Variants in GATA4 observed in about 807,000 individuals in gnomAD.
GATA4 encodes the protein transcription factor GATA-4.
GATA4 carries 7 observed loss-of-function variants against 37.9 expected under a neutral mutation model. That is an observed-to-expected ratio of 0.18 (90% CI 0.11 to 0.35). GATA4 has a LOEUF of 0.35. Among genes scored for constraint, GATA4 ranks in the 10% least tolerant of loss-of-function variants. The pLI is 1.00. For synonymous variants in GATA4, 372 were observed against 292.6 expected, an observed-to-expected ratio of 1.27 and a Z score of -2.77; for missense variants, 647 against 653.0, an observed-to-expected ratio of 0.99 and a Z score of 0.10.
At chr8:11,697,049 C>G (rs533464571) in intron 1 of GATA4, among the ~76,000 whole-genome samples, 2 of 152,226 alleles carry the variant, frequency 1.3e-5, no homozygotes, top group African/African-American at 4.8e-5. Flanking sequence ...TAGCTCTGCA[C>G]CTTCCTGAGT....
chr8:11,703,861 C>T (rs2130037532), upstream of GATA4, among the ~76,000 whole-genome samples: 1 of 152,342 alleles, frequency 6.6e-6, no homozygotes, highest in Non-Finnish European at 1.5e-5. Context: ...CCGCCCCTCG[C>T]CCGCCGCTGC....
At chr8:11,732,785 A>AC (rs1035543314) in intron 2 of GATA4, among the ~76,000 whole-genome samples, 4 of 152,202 alleles carry the variant, frequency 2.6e-5, no homozygotes, top group African/African-American at 9.6e-5. Flanking sequence ...GATGAAAAGA[A>AC]CCCCCCAAAT....
chr8:11,735,753 G>T (rs1475068508), intron 2 of GATA4, among the ~76,000 whole-genome samples: 1 of 152,138 alleles, frequency 6.6e-6, no homozygotes, highest in Non-Finnish European at 1.5e-5. Context: ...TAGAGATGGG[G>T]TTTCTCCATG....
rs1800080650 is a variant in GATA4, at chr8:11,709,600, T to C, written c.616+672T>C. Among the ~76,000 whole-genome samples the C allele has an allele frequency of 7.2e-6, 1 of 138,986 alleles. No homozygotes were observed. The highest frequency in any genetic ancestry group is 2.7e-5 in the African/African-American group (1 of 37,366). 91.2% of individuals were successfully genotyped at this position (138,986 alleles called of 152,430 possible). A position where few individuals can be genotyped will look rare whatever the true frequency, so the allele number is the denominator to read the frequency against. On this transcript the variant is annotated intron_variant, in intron 2 of 6. Coordinates refer to ENST00000532059, the MANE Select transcript of GATA4 (RefSeq NM_001308093.3). The surrounding 1 kb of genome is among the most constrained non-coding windows in gnomAD (Gnocchi z 4.3). ...CGGGGGGGGGGGCGCACACGCCCGG[T>C]CAGTGTCCGGGAACATAGGGACCTC...
upstream of GATA4, among the ~76,000 whole-genome samples, chr8:11,701,176 C>A (rs1330285213): frequency 6.7e-6 from 1 of 149,206 alleles, no homozygotes; most frequent in African/African-American, 2.5e-5. Context: ...GAGTACAGTA[C>A]ACCTAAGTAA....
intron 2 of GATA4, among the ~76,000 whole-genome samples, chr8:11,738,476 A>G (rs1801567765): frequency 6.6e-6 from 1 of 152,222 alleles, no homozygotes; most frequent in South Asian, 2.1e-4. Flanking sequence ...ATTCCATATC[A>G]GTACATCAAG....
chr8:11,729,879 C>A (rs1801118438), intron 2 of GATA4, among the ~76,000 whole-genome samples: 1 of 152,116 alleles, frequency 6.6e-6, no homozygotes, highest in Non-Finnish European at 1.5e-5. Flanking sequence ...GGTTTTTAAA[C>A]CCAATATATA....
At chr8:11,687,410 A>G (rs1799172463) in intron 1 of GATA4, among the ~76,000 whole-genome samples, 3 of 152,158 alleles carry the variant, frequency 2.0e-5, no homozygotes, top group Admixed American at 6.5e-5. Flanking sequence ...TAATCAAAAT[A>G]GAATCCGGGA....
intron 2 of GATA4, among the ~76,000 whole-genome samples, chr8:11,722,904 G>A (rs1396449947): frequency 6.6e-6 from 1 of 152,178 alleles, no homozygotes; most frequent in Non-Finnish European, 1.5e-5. Context: ...TGAATATTTG[G>A]TTACTTGGAG....
chr8:11,713,113 GT>G (rs1554489677), intron 2 of GATA4, among the ~76,000 whole-genome samples: 1 of 151,898 alleles, frequency 6.6e-6, no homozygotes, highest in Non-Finnish European at 1.5e-5. Flanking sequence ...TCTTATGTTG[GT>G]TATGTGAATA....
At chr8:11,678,932 C>T (rs956288386) in intron 1 of GATA4, among the ~76,000 whole-genome samples, 1 of 152,156 alleles carries the variant, frequency 6.6e-6, no homozygotes, top group African/African-American at 2.4e-5. Flanking sequence ...TTATAAATTA[C>T]TCTTTCTCCC....
At chr8:11,686,625 G>A (rs1799142926) in intron 1 of GATA4, among the ~76,000 whole-genome samples, 1 of 152,154 alleles carries the variant, frequency 6.6e-6, no homozygotes, top group African/African-American at 2.4e-5. Context: ...CACTGCACAG[G>A]CATAGTGGTA....
chr8:11,706,765 C>T (rs1229393477), intron 1 of GATA4, among the ~76,000 whole-genome samples: 5 of 152,138 alleles, frequency 3.3e-5, no homozygotes, highest in Non-Finnish European at 7.3e-5. Context: ...TCCCTTCCCC[C>T]ACCCCTTCTG....
chr8:11,736,489 AG>A (rs765915078), intron 2 of GATA4, among the ~76,000 whole-genome samples: 12 of 152,216 alleles, frequency 7.9e-5, no homozygotes, highest in South Asian at 4.1e-4. Context: ...TAGCGAAGCC[AG>A]GGGCGGACCC....
In GATA4 at chr8:11,755,665, T is replaced by C. The variant is rs555010815; in HGVS notation, c.1000+532T>C. ...CCATGAGAACCAGTTTATGACCCCA[T>C]TTTACTAACAAGCAAACTGAGGCTC... On this transcript the variant is annotated intron_variant, in intron 5 of 6. Coordinates refer to ENST00000532059, the MANE Select transcript of GATA4 (RefSeq NM_001308093.3). Among the ~76,000 whole-genome samples the C allele has an allele frequency of 3.1e-4, 47 of 152,332 alleles. 1 individual carries two copies. The South Asian group carries it at 8.9e-3, about 29-fold the overall frequency.
At chr8:11,756,602 G>A (rs1802580069) in intron 5 of GATA4, 1 of 405,418 alleles carries the variant, frequency 2.5e-6, no homozygotes, top group South Asian at 2.2e-5. Context: ...TCATTATAGA[G>A]TATTATCTCA....
intron 2 of GATA4, among the ~76,000 whole-genome samples, chr8:11,724,571 T>C (rs1482657316): frequency 6.6e-6 from 1 of 152,218 alleles, no homozygotes; most frequent in Non-Finnish European, 1.5e-5. Context: ...AAACCCGCCC[T>C]GTGTTGCTTG....
At chr8:11,750,374 T>C in intron 4 of GATA4, 138 bp downstream of exon 4, 2 of 1,217,070 alleles carry the variant, frequency 1.6e-6, no homozygotes, top group East Asian at 5.0e-5. Flanking sequence ...GGCTTTCAAC[T>C]ACTTTGCTGG....
chr8:11,678,012 AAATAATAAT>A (rs148395155), intron 1 of GATA4, among the ~76,000 whole-genome samples: 11,294 of 141,860 alleles, frequency 0.08, 658 homozygotes, highest in East Asian at 0.18. Context: ...GGCTGAGTCA[AAATAATAAT>A]AATAATAATA....
Sources: gnomAD v4.1 joint callset for allele counts (sites outside exome capture counted in the v4.1 genomes callset) on GRCh38, gnomAD v4.1.1 for gene constraint, Gnocchi (gnomAD v3.1) non-coding constraint, MANE v1.5 for transcripts, NCBI Gene and HGNC (gene_info 2026-07-23, HGNC 2026-07-21) for gene names.